SYCP2: variants seen among roughly 807,000 people sequenced by gnomAD.
SYCP2 encodes the protein synaptonemal complex lateral element protein.
SYCP2 carries 55 observed loss-of-function variants against 211.3 expected under a neutral mutation model. That is an observed-to-expected ratio of 0.26 (90% CI 0.21 to 0.33). SYCP2 has a LOEUF of 0.33. Ranked by LOEUF, SYCP2 falls within the 10% of genes least tolerant of loss-of-function variation. The pLI is 1.00. For missense variants in SYCP2, 1,731 were observed against 1,752.0 expected (o/e 0.99, Z 0.21); for synonymous variants, 570 against 555.2 (o/e 1.03, Z -0.37).
intron 39 of SYCP2, 85 bp from the exon 40 acceptor site, chr20:59,866,674 C>T (rs1219420420): frequency 4.1e-5 from 36 of 883,266 alleles, no homozygotes; most frequent in African/African-American, 1.4e-4. Flanking sequence ...TAATTTTCCA[C>T]GAAATGTAAA....
At chr20:59,909,672 C>T (rs1205839271) in intron 14 of SYCP2, among the ~76,000 whole-genome samples, 1 of 152,198 alleles carries the variant, frequency 6.6e-6, no homozygotes, top group Non-Finnish European at 1.5e-5. Context: ...TTTGCAATCC[C>T]CTATGCCCTC....
rs147917798 is a variant in SYCP2, at chr20:59,929,263, C to T, written c.-47+2799G>A. 2.0e-3 allele frequency among the ~76,000 whole-genome samples: 308 copies of T among 152,122 alleles called. 1 individual carries two copies. The highest frequency in any genetic ancestry group is 6.9e-3 in the African/African-American group (286 of 41,516). ...TAAAGAGACTGATACTACGAAGTCA[C>T]AGTGGGAATAAAGGAAATTGGAAAT... On this transcript the variant is annotated intron_variant, in intron 2 of 44. Transcript: ENST00000357552.
intron 12 of SYCP2, 31 bp downstream of exon 12, chr20:59,913,944 A>G: frequency 1.3e-6 from 2 of 1,538,134 alleles, no homozygotes; most frequent in Non-Finnish European, 1.8e-6. Context: ...TTTATTTGAC[A>G]GTAAATGGTT....
intron 28 of SYCP2, 126 bp downstream of exon 28, chr20:59,881,819 T>C (rs2059688982): frequency 3.1e-6 from 2 of 638,924 alleles, no homozygotes; most frequent in African/African-American, 1.9e-5. Flanking sequence ...CAAAATATTA[T>C]TATATATTTC....
At chr20:59,895,264 A>G (rs2145749829) in intron 20 of SYCP2, among the ~76,000 whole-genome samples, 173 bp downstream of exon 20, 2 of 152,232 alleles carry the variant, frequency 1.3e-5, no homozygotes, top group Middle Eastern at 3.4e-3. Flanking sequence ...AGCACAGTAA[A>G]TGAGTCATAT....
At chr20:59,893,010 T>C in intron 22 of SYCP2, 132 bp downstream of exon 22, 1 of 690,794 alleles carries the variant, frequency 1.4e-6, no homozygotes, top group South Asian at 2.2e-5. Flanking sequence ...TTCCCCATTG[T>C]GCTGTCATAA....
intron 24 of SYCP2, among the ~76,000 whole-genome samples, chr20:59,891,731 G>A (rs761244950): frequency 1.2e-4 from 18 of 151,708 alleles, no homozygotes; most frequent in Admixed American, 1.2e-3. Flanking sequence ...AAGAGTGGGA[G>A]GAACCTAAAA....
chr20:59,868,275 AC>A, intron 38 of SYCP2, 137 bp downstream of exon 38: 1 of 833,790 alleles, frequency 1.2e-6, no homozygotes, highest in South Asian at 1.7e-5. Flanking sequence ...ATAAATGTGA[AC>A]TTTGCAATAA....
At chr20:59,885,655 C>T (rs1164405599) in intron 26 of SYCP2, among the ~76,000 whole-genome samples, 8 of 140,950 alleles carry the variant, frequency 5.7e-5, no homozygotes, top group Admixed American at 4.1e-4. Context: ...CACACACACA[C>T]GCGCGCACGC....
Position 59,892,319 on chromosome 20 carries a change from G to C in SYCP2, c.2035C>G (p.His679Asp). 6.2e-7 allele frequency: 1 copy of C among 1,610,146 alleles called. No homozygotes were observed. Residue 679 changes from histidine (H) to aspartate (D), a missense_variant, in exon 24 of 45, where the codon CAT becomes GAT. His to Asp is a moderately conservative substitution (Grantham distance 81, BLOSUM62 -1). Around this residue, in one of 3 missense-constraint regions of SYCP2, gnomAD observed 1,387 missense variants for 1,351.3 expected, o/e 1.03. Transcript: ENST00000357552. ...KVKYKKEQTD[H>D]IKIDKAEVEV... ...ACTTCTGCTTTATCTATTTTGATAT[G>C]GTCGGTTTGTTCTTTCTTATATTTC...
intron 16 of SYCP2, among the ~76,000 whole-genome samples, chr20:59,901,334 ACTT>A (rs1600910451): frequency 2.0e-5 from 3 of 152,166 alleles, no homozygotes; most frequent in Middle Eastern, 6.8e-3. Flanking sequence ...GCCATTATTT[ACTT>A]CTTCTGATGT....
At chr20:59,889,594 T>A (rs1358257073) in intron 24 of SYCP2, among the ~76,000 whole-genome samples, 26 of 152,054 alleles carry the variant, frequency 1.7e-4, no homozygotes, top group Non-Finnish European at 3.7e-4. Flanking sequence ...AATTTACTAT[T>A]TTAACCATTT....
At chr20:59,866,728 T>C (rs2145584066) in intron 39 of SYCP2, 139 bp from the exon 40 acceptor site, 1 of 621,488 alleles carries the variant, frequency 1.6e-6, no homozygotes. Context: ...AAAACTCAGT[T>C]ATTTAAACTG....
At chr20:59,875,016 G>C (rs2059527748) in intron 34 of SYCP2, among the ~76,000 whole-genome samples, 1 of 151,928 alleles carries the variant, frequency 6.6e-6, no homozygotes, top group African/African-American at 2.4e-5. Context: ...GTTATAATTT[G>C]TGAATATATA....
chr20:59,924,872 G>A (rs550363674), intron 2 of SYCP2, among the ~76,000 whole-genome samples: 2 of 151,812 alleles, frequency 1.3e-5, no homozygotes, highest in Non-Finnish European at 2.9e-5. Flanking sequence ...TTATGATCAA[G>A]GTAGAACATA....
intron 18 of SYCP2, among the ~76,000 whole-genome samples, chr20:59,898,408 G>A (rs760197595): frequency 1.3e-5 from 2 of 152,192 alleles, no homozygotes; most frequent in East Asian, 3.8e-4. Context: ...ATGAGTTCAT[G>A]TCTTTTGCTG....
At chr20:59,930,732 T>TG (rs11417960) in intron 2 of SYCP2, among the ~76,000 whole-genome samples, 14,474 of 152,264 alleles carry the variant, frequency 0.095, 1,106 homozygotes, top group African/African-American at 0.22. Flanking sequence ...TTTAATAATA[T>TG]GCAATTATTC....
At chr20:59,922,685 CTTAAA>C (rs950445675) in intron 2 of SYCP2, among the ~76,000 whole-genome samples, 2 of 151,588 alleles carry the variant, frequency 1.3e-5, no homozygotes, top group Non-Finnish European at 3.0e-5. Context: ...TTATAGATTA[CTTAAA>C]TTAATGTCAA....
intron 42 of SYCP2, 56 bp downstream of exon 42, chr20:59,865,747 AATTT>A (rs139734255): frequency 0.028 from 30,918 of 1,090,992 alleles, 483 homozygotes; most frequent in Middle Eastern, 0.034. Flanking sequence ...TTCAAATAGA[AATTT>A]ATTAATTTAA....
Sources: allele counts gnomAD v4.1 joint callset (sites outside exome capture counted in the v4.1 genomes callset), GRCh38; gene constraint gnomAD v4.1.1; regional missense constraint gnomAD v4.1.1; transcripts MANE v1.5; gene names NCBI Gene and HGNC (gene_info 2026-07-23, HGNC 2026-07-21).